Variants in PTPN14 observed in about 807,000 individuals in gnomAD.
The protein encoded by PTPN14 is protein tyrosine phosphatase non-receptor type 14.
PTPN14 carries 53 observed loss-of-function variants against 126.8 expected under a neutral mutation model. The ratio of observed to expected loss-of-function variants is 0.42; its 90% CI spans 0.34 to 0.53. PTPN14 has a LOEUF of 0.53. Ranked by LOEUF, PTPN14 falls within the 20% of genes least tolerant of loss-of-function variation. The pLI is 0.08. For missense variants in PTPN14, 1,257 were observed against 1,552.9 expected (o/e 0.81, Z 3.20); for synonymous variants, 630 against 599.3 (o/e 1.05, Z -0.75).
chr1:214,400,311 T>A (rs1658985979), intron 7 of PTPN14, among the ~76,000 whole-genome samples: 1 of 152,222 alleles, frequency 6.6e-6, no homozygotes. Flanking sequence ...TCATGCGGTC[T>A]ATAGGTGGTC....
At chr1:214,527,723 T>G (rs568759634) in intron 1 of PTPN14, among the ~76,000 whole-genome samples, 29 of 152,324 alleles carry the variant, frequency 1.9e-4, no homozygotes, top group African/African-American at 7.0e-4. Context: ...GAGGAACACA[T>G]GCCTAGTCAA....
At chr1:214,547,848 C>G (rs1293814149) in intron 1 of PTPN14, among the ~76,000 whole-genome samples, 2 of 151,850 alleles carry the variant, frequency 1.3e-5, no homozygotes, top group Non-Finnish European at 2.9e-5. Flanking sequence ...TCTCAATTTC[C>G]TCTTGTAGGA....
intron 10 of PTPN14, among the ~76,000 whole-genome samples, chr1:214,392,053 G>A (rs762956707): frequency 9.9e-5 from 15 of 152,140 alleles, no homozygotes; most frequent in Non-Finnish European, 1.9e-4. Context: ...TCGCCCTCTG[G>A]AGAAGGATGC....
At chr1:214,452,076 C>A in intron 2 of PTPN14, 102 bp from the exon 3 acceptor site, 1 of 1,324,902 alleles carries the variant, frequency 7.5e-7, no homozygotes. Context: ...CCCTGGGTTC[C>A]CCAGCCCATA....
At chr1:214,392,898 G>C (rs1013149806) in intron 10 of PTPN14, among the ~76,000 whole-genome samples, 1 of 152,132 alleles carries the variant, frequency 6.6e-6, no homozygotes, top group Non-Finnish European at 1.5e-5. Context: ...ACATACTCTC[G>C]GATGTGTCCA....
chr1:214,365,706 T>C (rs1658064492), intron 17 of PTPN14, among the ~76,000 whole-genome samples: 1 of 152,234 alleles, frequency 6.6e-6, no homozygotes, highest in African/African-American at 2.4e-5. Context: ...CTTTCCTTTA[T>C]AAACTTATCT....
At chr1:214,537,987 G>T (rs1187676219) in intron 1 of PTPN14, among the ~76,000 whole-genome samples, 2 of 151,656 alleles carry the variant, frequency 1.3e-5, no homozygotes, top group East Asian at 1.9e-4. Flanking sequence ...ACTTTTTTTT[G>T]ATAACAAGTC....
chr1:214,461,160 T>C (rs1199859132), intron 2 of PTPN14, among the ~76,000 whole-genome samples: 1 of 152,158 alleles, frequency 6.6e-6, no homozygotes, highest in Non-Finnish European at 1.5e-5. Context: ...TTAAAAATTA[T>C]CTAATAAAAT....
intron 2 of PTPN14, among the ~76,000 whole-genome samples, chr1:214,453,511 T>C (rs1214862183): frequency 6.6e-6 from 1 of 152,196 alleles, no homozygotes; most frequent in Non-Finnish European, 1.5e-5. Context: ...CCACAGGCTC[T>C]GAGAGGTGTA....
At chr1:214,386,814 T>G in intron 12 of PTPN14, 30 bp downstream of exon 12, 1 of 1,536,026 alleles carries the variant, frequency 6.5e-7, no homozygotes, top group Non-Finnish European at 9.0e-7. Flanking sequence ...CTTTTTGTCT[T>G]AAGAAGGGAG....
intron 1 of PTPN14, among the ~76,000 whole-genome samples, chr1:214,533,817 A>G (rs147692385): frequency 0.03 from 4,480 of 150,228 alleles, 217 homozygotes; most frequent in African/African-American, 0.1. Flanking sequence ...AGCCTGGGCG[A>G]CAGAGTGAGA....
intron 1 of PTPN14, among the ~76,000 whole-genome samples, chr1:214,513,088 T>C (rs1571635993): frequency 6.6e-6 from 1 of 151,924 alleles, no homozygotes; most frequent in South Asian, 2.1e-4. Flanking sequence ...GAAGTACACA[T>C]GGTCTATATA....
At chr1:214,436,253 G>A (rs1659912660) in intron 3 of PTPN14, among the ~76,000 whole-genome samples, 1 of 152,132 alleles carries the variant, frequency 6.6e-6, no homozygotes, top group Non-Finnish European at 1.5e-5. Context: ...GAGGATGGAG[G>A]GTGAGAGGAG....
intron 1 of PTPN14, among the ~76,000 whole-genome samples, chr1:214,521,676 C>T (rs544382509): frequency 9.2e-5 from 14 of 152,170 alleles, no homozygotes; most frequent in African/African-American, 3.4e-4. Context: ...GATAGCGCCA[C>T]TGCATTCCAG....
intron 1 of PTPN14, among the ~76,000 whole-genome samples, chr1:214,485,141 TGGA>T (rs937401526): frequency 1.6e-4 from 25 of 152,320 alleles, no homozygotes; most frequent in African/African-American, 6.0e-4. Context: ...GGAAGGACAG[TGGA>T]GGAGAAGATG....
At chr1:214,446,746 G>C (rs13374279) in intron 3 of PTPN14, among the ~76,000 whole-genome samples, 1 of 150,530 alleles carries the variant, frequency 6.6e-6, no homozygotes, top group Non-Finnish European at 1.5e-5. Flanking sequence ...AAAAAAAAAA[G>C]GAAAACCCAA....
intron 3 of PTPN14, among the ~76,000 whole-genome samples, chr1:214,440,406 A>G (rs1018883076): frequency 3.9e-5 from 6 of 152,224 alleles, no homozygotes. Context: ...TACTCTTTCT[A>G]TGCATGAACC....
intron 3 of PTPN14, among the ~76,000 whole-genome samples, chr1:214,428,329 T>C (rs1438786682): frequency 2.0e-5 from 3 of 152,218 alleles, no homozygotes; most frequent in East Asian, 1.9e-4. Flanking sequence ...TAAAGACTTC[T>C]CACTTTTTGA....
At chr1:214,476,849 C>T (rs1355193351) in intron 1 of PTPN14, among the ~76,000 whole-genome samples, 1 of 152,162 alleles carries the variant, frequency 6.6e-6, no homozygotes, top group African/African-American at 2.4e-5. Flanking sequence ...ATTCCTGGCA[C>T]ATGGTAAGCA....
Sources: gnomAD v4.1 joint callset for allele counts (sites outside exome capture counted in the v4.1 genomes callset) on GRCh38, gnomAD v4.1.1 for gene constraint, MANE v1.5 for transcripts, NCBI Gene and HGNC (gene_info 2026-07-23, HGNC 2026-07-21) for gene names.